Variants in PPP6C observed in about 807,000 individuals in gnomAD.
The protein encoded by PPP6C is protein phosphatase 6 catalytic subunit.
PPP6C carries 11 observed loss-of-function variants against 39.8 expected under a neutral mutation model. The observed-to-expected ratio is 0.28, with a 90% CI of 0.17 to 0.46. The LOEUF (loss-of-function observed/expected upper bound fraction) is 0.46, where lower values mean the gene tolerates loss of function less well. Ranked by LOEUF, PPP6C falls within the 20% of genes least tolerant of loss-of-function variation. The pLI is 1.00. For synonymous variants in PPP6C, 129 were observed against 130.3 expected, an observed-to-expected ratio of 0.99 and a Z score of 0.07; for missense variants, 211 against 373.9, an observed-to-expected ratio of 0.56 and a Z score of 3.59.
At chr9:125,181,301 AT>A (rs1260954416) in intron 1 of PPP6C, among the ~76,000 whole-genome samples, 2 of 150,972 alleles carry the variant, frequency 1.3e-5, no homozygotes, top group Non-Finnish European at 3.0e-5. Flanking sequence ...GTGCCCAAAT[AT>A]TTTTTCTTTC....
intron 1 of PPP6C, among the ~76,000 whole-genome samples, chr9:125,188,156 C>T (rs527237871): frequency 1.5e-4 from 23 of 152,244 alleles, no homozygotes; most frequent in Admixed American, 4.6e-4. Context: ...GAGGCCGAGG[C>T]GGGCGGATCA....
chr9:125,151,187 C>T, intron 6 of PPP6C: 1 of 1,493,854 alleles, frequency 6.7e-7, no homozygotes, highest in South Asian at 1.1e-5. Context: ...ACCTCCATTG[C>T]AGACAGGCTG....
intron 1 of PPP6C, among the ~76,000 whole-genome samples, chr9:125,181,304 TTTTC>T (rs1202799064): frequency 1.3e-5 from 2 of 152,138 alleles, no homozygotes; most frequent in Non-Finnish European, 2.9e-5. Flanking sequence ...CCCAAATATT[TTTTC>T]TTTCTTTTTT....
At chr9:125,169,003 C>T (rs1380247829) in intron 2 of PPP6C, among the ~76,000 whole-genome samples, 2 of 152,200 alleles carry the variant, frequency 1.3e-5, no homozygotes, top group Admixed American at 1.3e-4. Context: ...TTCTGATCTG[C>T]CTGCCTCAGC....
intron 3 of PPP6C, among the ~76,000 whole-genome samples, chr9:125,158,754 C>T (rs922448813): frequency 2.6e-5 from 4 of 151,334 alleles, no homozygotes; most frequent in Admixed American, 6.6e-5. Context: ...CTCCGCCTCC[C>T]GGGTTCAAGC....
At chr9:125,189,455 C>G (rs917721005) in intron 1 of PPP6C, 189 bp downstream of exon 1, 3 of 1,419,810 alleles carry the variant, frequency 2.1e-6, no homozygotes, top group African/African-American at 2.9e-5. Flanking sequence ...CTGAGGCAAC[C>G]GGGACAGCAT....
intron 4 of PPP6C, 121 bp downstream of exon 4, chr9:125,158,120 G>C (rs1836125940): frequency 2.0e-6 from 2 of 1,003,188 alleles, no homozygotes; most frequent in Non-Finnish European, 1.5e-6. Context: ...TTTGGGAGGA[G>C]TGAAGGAGTG....
At chr9:125,181,990 C>A (rs1011307243) in intron 1 of PPP6C, among the ~76,000 whole-genome samples, 1 of 152,166 alleles carries the variant, frequency 6.6e-6, no homozygotes, top group African/African-American at 2.4e-5. Context: ...TTAATGATTG[C>A]CATTCTAACT....
intron 1 of PPP6C, chr9:125,172,076 A>G (rs1217192293): frequency 5.3e-6 from 2 of 377,074 alleles, no homozygotes; most frequent in Non-Finnish European, 1.1e-5. Context: ...ATGTAATACT[A>G]CTCAGCAATA....
intron 2 of PPP6C, among the ~76,000 whole-genome samples, chr9:125,168,271 T>C (rs1274477372): frequency 1.3e-5 from 2 of 152,158 alleles, no homozygotes; most frequent in African/African-American, 4.8e-5. Context: ...CCTCACTATA[T>C]TACACAGCTT....
intron 1 of PPP6C, among the ~76,000 whole-genome samples, chr9:125,180,116 T>C (rs1564158031): frequency 6.6e-6 from 1 of 152,062 alleles, no homozygotes; most frequent in African/African-American, 2.4e-5. Context: ...AGAAACCATA[T>C]ACACATTAGC....
chr9:125,174,746 C>T (rs542779292), intron 1 of PPP6C, among the ~76,000 whole-genome samples: 1 of 151,676 alleles, frequency 6.6e-6, no homozygotes, highest in Non-Finnish European at 1.5e-5. Flanking sequence ...CCTGTCTATA[C>T]TAAAAAATAC....
At chr9:125,189,509 G>A in intron 1 of PPP6C, 135 bp downstream of exon 1, 1 of 1,481,934 alleles carries the variant, frequency 6.7e-7, no homozygotes, top group Non-Finnish European at 9.0e-7. Context: ...CGCCGGGTAG[G>A]ACCGGGTCGA....
intron 1 of PPP6C, among the ~76,000 whole-genome samples, chr9:125,175,769 T>A (rs1039968864): frequency 6.6e-6 from 1 of 152,158 alleles, no homozygotes; most frequent in Non-Finnish European, 1.5e-5. Context: ...CACTACATTA[T>A]ATTGAATATT....
At chr9:125,185,147 T>C (rs1829499201) in intron 1 of PPP6C, among the ~76,000 whole-genome samples, 1 of 152,106 alleles carries the variant, frequency 6.6e-6, no homozygotes, top group Non-Finnish European at 1.5e-5. Context: ...ATGGAATCTG[T>C]ATCTTTTATT....
chr9:125,179,484 A>G (rs1246731436), intron 1 of PPP6C, among the ~76,000 whole-genome samples: 1 of 151,532 alleles, frequency 6.6e-6, no homozygotes, highest in Non-Finnish European at 1.5e-5. Flanking sequence ...TTTTGTTCTA[A>G]CTCCTCTCCA....
Position 125,180,944 on chromosome 9 carries a change from T to C in PPP6C, c.75+8700A>G, listed in dbSNP as rs1034100269. Among the ~76,000 whole-genome samples the C allele has an allele frequency of 9.2e-5, 14 of 152,230 alleles. No homozygotes were observed. The East Asian group carries it at 2.5e-3, about 27-fold the overall frequency. On this transcript the variant is annotated intron_variant, in intron 1 of 6. Transcript: ENST00000373547. The stretch of plus-strand genomic sequence containing the variant: ...ACGTGTAAACTACCTAGCAGCAGCC[T>C]TCAACCAGGGCCCAGGCACACTAAC...
intron 6 of PPP6C, chr9:125,151,702 C>CGG (rs377762200): frequency 0.11 from 35,653 of 317,738 alleles, 4,707 homozygotes; most frequent in East Asian, 0.14. Context: ...GTGTAGCTTT[C>CGG]TATATCCCAC....
At chr9:125,171,051 T>G (rs753566089) in intron 2 of PPP6C, 34 bp downstream of exon 2, 4 of 1,438,576 alleles carry the variant, frequency 2.8e-6, no homozygotes, top group Non-Finnish European at 2.9e-6. Flanking sequence ...TCATGGACAG[T>G]ACAAAACTTA....
Sources: gnomAD v4.1 joint callset for allele counts (sites outside exome capture counted in the v4.1 genomes callset) on GRCh38, gnomAD v4.1.1 for gene constraint, MANE v1.5 for transcripts, NCBI Gene and HGNC (gene_info 2026-07-23, HGNC 2026-07-21) for gene names.